The following EFNA4 variants were observed in gnomAD, a reference collection of about 807,000 sequenced individuals.
The protein encoded by EFNA4 is ephrin-A4.
EFNA4 carries 22 observed loss-of-function variants against 23.7 expected under a neutral mutation model. The ratio of observed to expected loss-of-function variants is 0.93; its 90% CI spans 0.66 to 1.32. The LOEUF is 1.32. Among genes scored for constraint, EFNA4 ranks in the 40% most tolerant of loss-of-function variants. The probability of loss-of-function intolerance (pLI) is 0.00; values close to 1 mark genes in which losing one functional copy is unlikely to be tolerated. For synonymous variants in EFNA4, 113 were observed against 108.3 expected (o/e 1.04, Z -0.27); for missense variants, 252 against 252.3 (o/e 1.00, Z 0.01).
At chr1:155,067,822 C>T (rs1050470909) in intron 3 of EFNA4, among the ~76,000 whole-genome samples, 4 of 152,080 alleles carry the variant, frequency 2.6e-5, no homozygotes, top group Admixed American at 1.3e-4. Flanking sequence ...GGGGTTTCAC[C>T]GTGTTAGCCA....
Position 155,069,459 on chromosome 1 carries a change from T to C in EFNA4, c.*470T>C. On this transcript the variant is annotated 3_prime_UTR_variant, in exon 4 of 4. Coordinates refer to ENST00000368409, the MANE Select transcript of EFNA4 (RefSeq NM_005227.3). ...TCACTTGTCTTCTATGAAGACGGAC[T>C]CTTCATGAGGTTGAATTTCATGCCA... 2.5e-6 allele frequency: 1 copy of C among 406,640 alleles called. No individual in the cohort carries two copies. The highest frequency in any genetic ancestry group is 4.4e-6 in the Non-Finnish European group (1 of 229,134). The allele number at this position is 406,640 out of a possible 1,614,324, so 25.2% of individuals were successfully genotyped here. A position where few individuals can be genotyped will look rare whatever the true frequency, so the allele number is the denominator to read the frequency against.
chr1:155,065,700 C>CTTTATTTA (rs149262026), intron 1 of EFNA4, among the ~76,000 whole-genome samples: 10 of 123,850 alleles, frequency 8.1e-5, no homozygotes, highest in Non-Finnish European at 1.3e-4. Flanking sequence ...CACTCATGGC[C>CTTTATTTA]TTTATTTATT....
At position 155,063,769 on chromosome 1, in the gene EFNA4, G is replaced by A. The variant is rs994855515; in HGVS notation, c.-55G>A. The A allele has an allele frequency of 5.1e-5, 73 of 1,429,746 alleles. No homozygotes were observed. In the South Asian group the frequency reaches 6.9e-4, roughly 14 times the overall value. The allele number at this position is 1,429,746 out of a possible 1,614,324, so 88.6% of individuals were successfully genotyped here. ...CTTCACTTTGTACCTTTCTCTCCTC[G>A]ACTGTGAAGCGGGCCGGGACCTGCC... On this transcript the variant is annotated 5_prime_UTR_variant, in exon 1 of 4. Coordinates refer to ENST00000368409, the MANE Select transcript of EFNA4 (RefSeq NM_005227.3). The surrounding 1 kb of genome is among the most constrained non-coding windows in gnomAD (Gnocchi z 4.1).
In EFNA4 at chr1:155,063,906, A is replaced by C; in HGVS notation, c.83A>C (p.His28Pro). The C allele has an allele frequency of 6.4e-7, 1 of 1,567,910 alleles. No homozygotes were observed. The highest frequency in any genetic ancestry group is 8.6e-7 in the Non-Finnish European group (1 of 1,158,464). Residue 28 changes from histidine (H) to proline (P), a missense_variant, in exon 1 of 4, where the codon CAC becomes CCC. His to Pro is a moderately conservative substitution (Grantham distance 77). Transcript: ENST00000368409. The surrounding 1 kb of genome is among the most constrained non-coding windows in gnomAD (Gnocchi z 4.1). ...CTGCGCGGGGGCTCCAGCCTCCGCC[A>C]CGTAGTCTACTGGAACTCCAGTAAC... ...SPLRGGSSLR[H>P]VVYWNSSNPR...
intron 3 of EFNA4, among the ~76,000 whole-genome samples, chr1:155,068,354 C>A (rs1663100178): frequency 6.7e-6 from 1 of 150,284 alleles, no homozygotes; most frequent in East Asian, 2.0e-4. Context: ...CAACCTCACC[C>A]TCCTGGGTGC....
Position 155,066,775 on chromosome 1 carries a change from C to A in EFNA4, c.159C>A (p.Tyr53Ter). Residue 53 changes from tyrosine (Y) to a stop codon, truncating the protein, a stop_gained, in exon 2 of 4, where the codon TAC becomes TAA. Coordinates refer to ENST00000368409, the MANE Select transcript of EFNA4 (RefSeq NM_005227.3). LOFTEE classifies it high-confidence loss of function. ...TGGTGGAGCTGGGCCTCAACGATTA[C>A]CTAGACATTGTCTGCCCCCACTACG... ...DAVVELGLND[Y>*]LDIVCPHYEG... 1.9e-6 allele frequency: 3 copies of A among 1,610,084 alleles called. No individual in the cohort carries two copies. The highest frequency in any genetic ancestry group is 2.5e-6 in the Non-Finnish European group (3 of 1,178,754).
chr1:155,068,051 G>C (rs972844671), intron 3 of EFNA4, among the ~76,000 whole-genome samples: 1 of 152,194 alleles, frequency 6.6e-6, no homozygotes, highest in Non-Finnish European at 1.5e-5. Flanking sequence ...TTCCCGAGTA[G>C]CTGGGATTAC....
In EFNA4 at chr1:155,068,891, A is replaced by G. The variant is rs1330109316; in HGVS notation, c.508A>G (p.Ser170Gly). The G allele has an allele frequency of 1.9e-6, 3 of 1,613,750 alleles. No individual in the cohort carries two copies. Among genetic ancestry groups the G allele is most frequent in the Middle Eastern group, 1.7e-4 (1 of 6,058 alleles). Residue 170 changes from serine to glycine, a missense_variant, in exon 4 of 4, where the codon AGT becomes GGT. By Grantham distance (56) the Ser-to-Gly change is moderately conservative. Coordinates refer to ENST00000368409, the MANE Select transcript of EFNA4 (RefSeq NM_005227.3). Reference protein sequence around the residue: ...SAHPVGSPGESGTSGWRGGDT... With the variant: ...SAHPVGSPGEGGTSGWRGGDT... Reference sequence around the variant, plus strand: ...CCATCCTGTTGGGAGCCCTGGAGAGAGTGGCACATCAGGGTGGCGAGGGGG... The same window carrying G: ...CCATCCTGTTGGGAGCCCTGGAGAGGGTGGCACATCAGGGTGGCGAGGGGG...
chr1:155,063,847 G>A lies in EFNA4; in HGVS notation c.24G>A (p.Arg8=). ...CGATGCGGCTGCTGCCCCTGCTGCG[G>A]ACTGTCCTCTGGGCCGCGTTCCTCG... MRLLPLL[R]TVLWAAFLGS... is the part of the protein sequence containing the mutation. Residue 8 remains arginine (R), a synonymous_variant, in exon 1 of 4, where the codon CGG becomes CGA. Coordinates refer to ENST00000368409, the MANE Select transcript of EFNA4 (RefSeq NM_005227.3). The surrounding 1 kb of genome is among the most constrained non-coding windows in gnomAD (Gnocchi z 4.1). 1 of 1,547,406 alleles carries A rather than the reference G, an allele frequency of 6.5e-7. No individual in the cohort carries two copies. Among genetic ancestry groups the A allele is most frequent in the Non-Finnish European group, 8.7e-7 (1 of 1,147,340 alleles).
chr1:155,066,752 G>C lies in EFNA4; in HGVS notation c.136G>C (p.Val46Leu). The change falls in exon 2 of 4, where the codon GTG becomes CTG. Residue 46 changes from valine (V) to leucine (L), a missense_variant. By Grantham distance (32) the Val-to-Leu change is conservative. Coordinates refer to ENST00000368409, the MANE Select transcript of EFNA4 (RefSeq NM_005227.3). ...CAGGTTGCTTCGAGGAGACGCCGTG[G>C]TGGAGCTGGGCCTCAACGATTACCT... ...NPRLLRGDAV[V>L]ELGLNDYLDI... 2 of 1,603,078 alleles carry C rather than the reference G, an allele frequency of 1.2e-6. No individual in the cohort carries two copies. Among genetic ancestry groups the C allele is most frequent in the Non-Finnish European group, 1.7e-6 (2 of 1,176,134 alleles).
chr1:155,063,853 C>T lies in EFNA4; in HGVS notation c.30C>T (p.Val10=). Residue 10 remains valine (V), a synonymous_variant, in exon 1 of 4, where the codon GTC becomes GTT. Coordinates refer to ENST00000368409, the MANE Select transcript of EFNA4 (RefSeq NM_005227.3). This position sits in a 1 kb window ranked among gnomAD's most constrained non-coding sequence, Gnocchi z 4.1. MRLLPLLRT[V]LWAAFLGSPL... is the part of the protein sequence containing the mutation. The stretch of plus-strand genomic sequence containing the variant: ...GGCTGCTGCCCCTGCTGCGGACTGT[C>T]CTCTGGGCCGCGTTCCTCGGCTCCC... 6.5e-7 allele frequency: 1 copy of T among 1,550,222 alleles called. No individual in the cohort carries two copies. Among genetic ancestry groups the T allele is most frequent in the African/African-American group, 1.4e-5 (1 of 72,244 alleles).
At chr1:155,065,784 G>A (rs565076797) in intron 1 of EFNA4, among the ~76,000 whole-genome samples, 203 of 150,974 alleles carry the variant, frequency 1.3e-3, no homozygotes, top group Admixed American at 3.4e-3. Context: ...CCAGGCTGGA[G>A]TGCAGTGGCG....
At position 155,067,022 on chromosome 1, in the gene EFNA4, TG is replaced by T; in HGVS notation, c.400+8del. On this transcript the variant is annotated splice_region_variant and intron_variant, in intron 2 of 3. Transcript: ENST00000368409. ...AGAGACTTACTACTACATCTGTGAG[TG>T]GCCAAGGGCACACTGGACACCTCTT... 6.3e-7 allele frequency: 1 copy of T among 1,598,806 alleles called. No individual in the cohort carries two copies. Among genetic ancestry groups the T allele is most frequent in the Admixed American group, 1.7e-5 (1 of 58,506 alleles).
chr1:155,065,734 TTATTTATTTA>T (rs1571652091), intron 1 of EFNA4, among the ~76,000 whole-genome samples: 1 of 145,500 alleles, frequency 6.9e-6, no homozygotes, highest in East Asian at 2.1e-4. Flanking sequence ...ATTTATTTAT[TTATTTATTTA>T]TTTTTTGAGA....
chr1:155,067,333 C>T (rs1225832379), intron 2 of EFNA4, 39 bp from the exon 3 acceptor site: 1 of 1,610,414 alleles, frequency 6.2e-7, no homozygotes, highest in East Asian at 2.2e-5. Context: ...AAAGGGGTGA[C>T]TCCCTGTGCT....
At chr1:155,064,340 C>G (rs1172509380) in intron 1 of EFNA4, among the ~76,000 whole-genome samples, 1 of 152,344 alleles carries the variant, frequency 6.6e-6, no homozygotes, top group South Asian at 2.1e-4. Context: ...GGTTACTCTC[C>G]TGCCCGCTGG....
chr1:155,068,086 A>G (rs1663093864), intron 3 of EFNA4, among the ~76,000 whole-genome samples: 1 of 151,962 alleles, frequency 6.6e-6, no homozygotes, highest in South Asian at 2.1e-4. Context: ...ACAACTCACA[A>G]CTGGCTAAAT....
chr1:155,067,422 G>C lies in EFNA4; in HGVS notation c.451G>C (p.Val151Leu), dbSNP rs780776065. 6 of 1,614,220 alleles carry C rather than the reference G, an allele frequency of 3.7e-6. No individual in the cohort carries two copies. In the South Asian group the frequency reaches 5.5e-5, roughly 15 times the overall value. ...CCAGTGCTTGAGGCTCCAGGTGTCTGTCTGCTGCAAGGAGAGGAGTAAGTG... is the reference window on the plus strand; with the variant it reads ...CCAGTGCTTGAGGCTCCAGGTGTCTCTCTGCTGCAAGGAGAGGAGTAAGTG... ...SGQCLRLQVS[V>L]CCKERKSESA... Residue 151 changes from valine (V) to leucine (L), a missense_variant, in exon 3 of 4, where the codon GTC becomes CTC. Val to Leu is a conservative substitution (Grantham distance 32, BLOSUM62 1). Transcript: ENST00000368409.
rs765191806 is a variant in EFNA4, at chr1:155,066,977, G to A, written c.361G>A (p.Gly121Ser). The A allele has an allele frequency of 6.8e-6, 11 of 1,613,544 alleles. No homozygotes were observed. The highest frequency in any genetic ancestry group is 1.7e-4 in the Middle Eastern group (1 of 6,058). The stretch of plus-strand genomic sequence containing the variant: ...TCAGCGCTTCACACCCTTCTCCCTC[G>A]GCTTTGAGTTCTTACCTGGAGAGAC... ...KIQRFTPFSL[G>S]FEFLPGETYY... The change falls in exon 2 of 4, where the codon GGC (glycine) becomes AGC (serine). Residue 121 changes from glycine (G) to serine (S), a missense_variant. Physicochemically the swap from Gly to Ser is moderately conservative, Grantham distance 56. Coordinates refer to ENST00000368409, the MANE Select transcript of EFNA4 (RefSeq NM_005227.3).
Sources: allele counts gnomAD v4.1 joint callset (sites outside exome capture counted in the v4.1 genomes callset), GRCh38; gene constraint gnomAD v4.1.1; non-coding constraint Gnocchi (gnomAD v3.1); transcripts MANE v1.5; gene names NCBI Gene and HGNC (gene_info 2026-07-23, HGNC 2026-07-21).